Variants in TBRG1 observed in about 807,000 individuals in gnomAD.
TBRG1 encodes nuclear interactor of ARF and MDM2.
TBRG1 carries 31 observed loss-of-function variants against 44.0 expected under a neutral mutation model. The observed-to-expected ratio is 0.70, with a 90% CI of 0.53 to 0.95. TBRG1 has a LOEUF of 0.95. TBRG1 is among the 40% of genes least tolerant of loss of function. TBRG1 has a pLI of 0.00. For synonymous variants in TBRG1, 171 were observed against 188.1 expected, an observed-to-expected ratio of 0.91 and a Z score of 0.74; for missense variants, 487 against 496.1, an observed-to-expected ratio of 0.98 and a Z score of 0.18.
intron 1 of TBRG1, 76 bp from the exon 2 acceptor site, chr11:124,624,855 A>T: frequency 9.7e-7 from 1 of 1,035,630 alleles, no homozygotes; most frequent in Admixed American, 2.5e-5. Flanking sequence ...GGTTTGAAAT[A>T]TGGATCCTCT....
intron 8 of TBRG1, 132 bp from the exon 9 acceptor site, chr11:124,631,961 A>C: frequency 1.3e-6 from 1 of 770,624 alleles, no homozygotes; most frequent in Non-Finnish European, 2.2e-6. Flanking sequence ...GTCCTATCTT[A>C]ACAAAGGCAA....
At chr11:124,628,065 TTATATATATATA>T (rs71042445) in intron 5 of TBRG1, among the ~76,000 whole-genome samples, 1,104 of 69,702 alleles carry the variant, frequency 0.016, 20 homozygotes, top group Non-Finnish European at 0.025. Context: ...AGTAGCTGTT[TTATATATATATA>T]TATATATATA....
At chr11:124,630,190 T>A in intron 5 of TBRG1, 198 bp from the exon 6 acceptor site, 1 of 528,298 alleles carries the variant, frequency 1.9e-6, no homozygotes, top group Non-Finnish European at 3.5e-6. Flanking sequence ...AGGGTAGAAC[T>A]GAAACAGTCA....
Position 124,624,941 on chromosome 11 carries a change from C to CT in TBRG1, c.162dup (p.Ile55TyrfsTer3). The CT allele has an allele frequency of 6.5e-7, 1 of 1,540,526 alleles. No homozygotes were observed. Among genetic ancestry groups the CT allele is most frequent in the Non-Finnish European group, 8.8e-7 (1 of 1,138,284 alleles). On this transcript the variant is annotated frameshift_variant, in exon 2 of 9. Coordinates refer to ENST00000441174, the MANE Select transcript of TBRG1 (RefSeq NM_032811.3). LOFTEE classifies it high-confidence loss of function. Reference sequence around the variant, plus strand: ...CATTTTTACTTAAAGGAAAATGCTGCTATTTGTGATGAAATTGCTCGTCTT... The same window carrying CT: ...CATTTTTACTTAAAGGAAAATGCTGCTTATTTGTGATGAAATTGCTCGTCTT...
chr11:124,631,213 A>G, intron 7 of TBRG1, 62 bp from the exon 8 acceptor site: 10 of 1,464,304 alleles, frequency 6.8e-6, no homozygotes, highest in Non-Finnish European at 8.2e-6. Context: ...CCCTTTAGTG[A>G]TAGGAATGGG....
At chr11:124,623,415 T>A in intron 1 of TBRG1, 182 bp downstream of exon 1, 1 of 729,648 alleles carries the variant, frequency 1.4e-6, no homozygotes, top group Non-Finnish European at 2.4e-6. Context: ...TCCTCATCTG[T>A]AAATGAGCTA....
chr11:124,625,305 G>A (rs1009172770), intron 2 of TBRG1, among the ~76,000 whole-genome samples: 1 of 152,182 alleles, frequency 6.6e-6, no homozygotes, highest in African/African-American at 2.4e-5. Context: ...AATTATAAAA[G>A]CCAAGTGATA....
chr11:124,624,051 A>T (rs918894076), intron 1 of TBRG1, among the ~76,000 whole-genome samples: 2 of 152,206 alleles, frequency 1.3e-5, no homozygotes, highest in Non-Finnish European at 2.9e-5. Flanking sequence ...TTCCAAAAGC[A>T]CTTATTCAGC....
At chr11:124,625,505 G>A (rs541439037) in intron 2 of TBRG1, among the ~76,000 whole-genome samples, 166 bp from the exon 3 acceptor site, 2 of 152,202 alleles carry the variant, frequency 1.3e-5, no homozygotes, top group Non-Finnish European at 2.9e-5. Flanking sequence ...TTGAAGTATT[G>A]ATTATCCTCC....
At chr11:124,627,727 A>G (rs1297415755) in intron 5 of TBRG1, among the ~76,000 whole-genome samples, 1 of 152,080 alleles carries the variant, frequency 6.6e-6, no homozygotes, top group South Asian at 2.1e-4. Context: ...ATAATATTGC[A>G]TCACGCCTAT....
intron 3 of TBRG1, among the ~76,000 whole-genome samples, chr11:124,626,270 A>G (rs1942466118): frequency 6.6e-6 from 1 of 152,254 alleles, no homozygotes; most frequent in African/African-American, 2.4e-5. Flanking sequence ...GGCCTTAAAA[A>G]GTATAAGGCC....
rs371713382 is a variant in TBRG1, at chr11:124,625,702, G to T, written c.253G>T (p.Ala85Ser). 7 of 1,552,736 alleles carry T rather than the reference G, an allele frequency of 4.5e-6. No individual in the cohort carries two copies. The highest frequency in any genetic ancestry group is 6.1e-6 in the Non-Finnish European group (7 of 1,147,490). The change falls in exon 3 of 9, where the codon GCT (alanine) becomes TCT (serine). Residue 85 changes from alanine to serine, a missense_variant. Transcript: ENST00000441174. ...YLLKKLLQLQALTEGEVQAAA... is the reference protein window; with the variant it reads ...YLLKKLLQLQSLTEGEVQAAA... ...GCTAAAGAAGCTCCTCCAGCTTCAG[G>T]CTCTAACTGAAGGGGAAGTACAGGC...
rs1188586559 is a variant in TBRG1, at chr11:124,635,813, A to C, written c.*3575A>C. ...ACACATCACTAGTGATTATGCTTTT[A>C]TTTATTTCCAACTTCTTATAGGTAA... On this transcript the variant is annotated 3_prime_UTR_variant, in exon 9 of 9. Transcript: ENST00000441174. 6.6e-6 allele frequency: 1 copy of C among 152,144 alleles called. No homozygotes were observed. Among genetic ancestry groups the C allele is most frequent in the Non-Finnish European group, 1.5e-5 (1 of 68,012 alleles). 9.4% of individuals were successfully genotyped at this position (152,144 alleles called of 1,614,324 possible).
chr11:124,623,345 C>T (rs1942383971), intron 1 of TBRG1, 112 bp downstream of exon 1: 2 of 1,215,402 alleles, frequency 1.6e-6, no homozygotes, highest in South Asian at 1.3e-5. Context: ...GTTGGCTTTT[C>T]CGTATACGTT....
intron 5 of TBRG1, among the ~76,000 whole-genome samples, chr11:124,627,579 A>G (rs912701735): frequency 6.6e-6 from 1 of 152,232 alleles, no homozygotes. Flanking sequence ...AAACAAAAAA[A>G]TAGACCATTT....
rs545844734 is a variant in TBRG1 at position 124,626,660 on chromosome 11, T to C, written c.591+51T>C. The stretch of plus-strand genomic sequence containing the variant: ...GAGGAGAATCAGGGAAATACGGGAA[T>C]GGGGTTGAGCCTTCCCTCCCTGTTC... On this transcript the variant is annotated intron_variant, in intron 4 of 8. Transcript: ENST00000441174. The C allele has an allele frequency of 8.1e-5, 125 of 1,542,648 alleles. No individual in the cohort carries two copies. In the African/African-American group the frequency reaches 1.5e-3, roughly 18 times the overall value.
chr11:124,632,680 T>TA lies in TBRG1; in HGVS notation c.*443dup, dbSNP rs1942640740. 1 of 159,954 alleles carries TA rather than the reference T, an allele frequency of 6.3e-6. No individual in the cohort carries two copies. The highest frequency in any genetic ancestry group is 1.4e-5 in the Non-Finnish European group (1 of 73,238). 9.9% of individuals were successfully genotyped at this position (159,954 alleles called of 1,614,324 possible). The stretch of plus-strand genomic sequence containing the variant: ...TGGTGAGGGCCCACTTCCTAGTTCT[T>TA]AGACAGCTGTCTTCCTGCAGTGTCC... On this transcript the variant is annotated 3_prime_UTR_variant, in exon 9 of 9. Coordinates refer to ENST00000441174, the MANE Select transcript of TBRG1 (RefSeq NM_032811.3).
Position 124,622,899 on chromosome 11 carries a change from CG to C in TBRG1, c.-182del, listed in dbSNP as rs1942368722. The C allele has an allele frequency of 1.6e-6, 1 of 614,602 alleles. No homozygotes were observed. The highest frequency in any genetic ancestry group is 2.7e-6 in the Non-Finnish European group (1 of 365,342). The allele number at this position is 614,602 out of a possible 1,614,324, so 38.1% of individuals were successfully genotyped here. ...CAGACACGGAAGTGCTGGGAGGCGC[CG>C]GGAGCCCGTTCGGTTGCGGGTGTCT... On this transcript the variant is annotated 5_prime_UTR_variant, in exon 1 of 9. Transcript: ENST00000441174.
At chr11:124,627,627 C>A (rs1424589750) in intron 5 of TBRG1, among the ~76,000 whole-genome samples, 1 of 152,034 alleles carries the variant, frequency 6.6e-6, no homozygotes, top group Non-Finnish European at 1.5e-5. Context: ...TTACAGATCA[C>A]TAGAAAGTAA....
Sources: allele counts gnomAD v4.1 joint callset (sites outside exome capture counted in the v4.1 genomes callset), GRCh38; gene constraint gnomAD v4.1.1; transcripts MANE v1.5; gene names NCBI Gene and HGNC (gene_info 2026-07-23, HGNC 2026-07-21).